Variants in TTLL11 observed in about 807,000 individuals in gnomAD.
TTLL11 encodes tubulin tyrosine ligase like 11, also known as tubulin polyglutamylase TTLL11.
A neutral mutation model predicts 51.7 loss-of-function variants in TTLL11; 42 were observed. The ratio of observed to expected loss-of-function variants is 0.81; its 90% CI spans 0.64 to 1.05. The LOEUF (loss-of-function observed/expected upper bound fraction) is 1.05. Ranked by LOEUF, TTLL11 falls within the 50% of genes least tolerant of loss-of-function variation. The probability of loss-of-function intolerance (pLI) is 0.00; values close to 1 mark genes in which losing one functional copy is unlikely to be tolerated. For synonymous variants in TTLL11, 381 were observed against 383.5 expected (o/e 0.99, Z 0.08); for missense variants, 799 against 940.4 (o/e 0.85, Z 1.97).
In TTLL11 at chr9:121,923,932, A is replaced by G. The variant is rs543275323; in HGVS notation, c.1481+50077T>C. ...TTCCCGTATGTTATGGGAGGGACCC[A>G]GTGGGAGATAATTGAATCATGGCTG... On this transcript the variant is annotated intron_variant, in intron 6 of 8. Coordinates refer to ENST00000321582, the MANE Select transcript of TTLL11 (RefSeq NM_001139442.2). Among the ~76,000 whole-genome samples, 5 of 152,298 alleles carry G rather than the reference A, an allele frequency of 3.3e-5. No individual in the cohort carries two copies. In the East Asian group the frequency reaches 9.6e-4, roughly 29 times the overall value.
chr9:121,936,522 C>G (rs894714615), intron 6 of TTLL11, among the ~76,000 whole-genome samples: 1 of 152,130 alleles, frequency 6.6e-6, no homozygotes, highest in African/African-American at 2.4e-5. Context: ...AATCCTGTTT[C>G]TAAAGCCCCC....
intron 6 of TTLL11, among the ~76,000 whole-genome samples, chr9:121,952,444 C>CAAAAAAA (rs67882979): frequency 2.5e-5 from 3 of 121,942 alleles, no homozygotes; most frequent in Non-Finnish European, 1.7e-5. Flanking sequence ...GACTCCGCCT[C>CAAAAAAA]AAAAAAAAAA....
intron 8 of TTLL11, among the ~76,000 whole-genome samples, chr9:121,839,822 C>T (rs192529433): frequency 1.3e-5 from 2 of 152,134 alleles, no homozygotes; most frequent in African/African-American, 2.4e-5. Flanking sequence ...CAGGGCAGAG[C>T]AGTGCCCACT....
chr9:121,985,218 A>C (rs1462426662), intron 4 of TTLL11, among the ~76,000 whole-genome samples: 2 of 152,204 alleles, frequency 1.3e-5, no homozygotes, highest in Non-Finnish European at 1.5e-5. Context: ...TGTGGCAAAG[A>C]AGTCATGTGT....
At chr9:122,041,471 T>C (rs150016783) in intron 1 of TTLL11, among the ~76,000 whole-genome samples, 38 of 152,240 alleles carry the variant, frequency 2.5e-4, no homozygotes, top group African/African-American at 8.9e-4. Flanking sequence ...CATTAGAAAA[T>C]AAGAAGCAAA....
intron 3 of TTLL11, among the ~76,000 whole-genome samples, chr9:122,003,264 G>A (rs181806682): frequency 1.9e-4 from 29 of 152,256 alleles, no homozygotes; most frequent in Non-Finnish European, 3.8e-4. Flanking sequence ...GTCAGGGAAT[G>A]CTTTTAAAAT....
chr9:121,859,008 TGC>T (rs888353705), intron 8 of TTLL11, among the ~76,000 whole-genome samples: 19 of 152,288 alleles, frequency 1.2e-4, no homozygotes, highest in African/African-American at 4.6e-4. Flanking sequence ...GCCAGGGTGC[TGC>T]GGGCTCACAG....
chr9:121,879,893 A>G (rs1838715937), intron 6 of TTLL11, among the ~76,000 whole-genome samples: 1 of 152,090 alleles, frequency 6.6e-6, no homozygotes. Flanking sequence ...TGAACCCGGG[A>G]AACAAGTCTG....
intron 6 of TTLL11, among the ~76,000 whole-genome samples, chr9:121,949,661 G>T (rs1841790061): frequency 6.6e-6 from 1 of 151,946 alleles, no homozygotes; most frequent in Non-Finnish European, 1.5e-5. Flanking sequence ...TCTACCATCT[G>T]CGTCACCCGG....
chr9:122,002,636 T>C (rs139951245), intron 3 of TTLL11, among the ~76,000 whole-genome samples: 7 of 152,194 alleles, frequency 4.6e-5, no homozygotes, highest in Admixed American at 6.5e-5. Flanking sequence ...CCAGATTCCC[T>C]GGAGGCTCAG....
Position 122,092,879 on chromosome 9 carries a change from C to A in TTLL11, c.270G>T (p.Pro90=). The A allele has an allele frequency of 6.4e-7, 1 of 1,569,898 alleles. No homozygotes were observed. Among genetic ancestry groups the A allele is most frequent in the South Asian group, 1.2e-5 (1 of 86,236 alleles). ...GGCCCTGCACCGGCTTCGGCTTGGA[C>A]GGGGGCAGCGTGGGCGGCGGCCGCT... ...VLQRPPPTLP[P]SKPKPVQGLC... The change falls in exon 1 of 9, where the codon CCG becomes CCT. Residue 90 remains proline (P), a synonymous_variant. Transcript: ENST00000321582.
rs562519461 is a variant in TTLL11, at chr9:121,974,720, T to C, written c.1365+164A>G. Among the ~76,000 whole-genome samples the C allele has an allele frequency of 9.6e-4, 146 of 152,322 alleles. No individual in the cohort carries two copies. The Middle Eastern group carries it at 0.01, about 11-fold the overall frequency. ...ACAGGTCAGATAGGCTTTGTATTAA[T>C]AGTCTATGTTGAGAACTCAACAAAA... On this transcript the variant is annotated intron_variant, in intron 5 of 8. Coordinates refer to ENST00000321582, the MANE Select transcript of TTLL11 (RefSeq NM_001139442.2).
chr9:122,039,228 T>G (rs1445621467), intron 2 of TTLL11, 44 bp downstream of exon 2: 1 of 1,508,362 alleles, frequency 6.6e-7, no homozygotes, highest in African/African-American at 1.4e-5. Context: ...ATCTGAGACT[T>G]GGCCCTAGAA....
chr9:121,974,809 G>A (rs1295926115), intron 5 of TTLL11, 75 bp downstream of exon 5: 3 of 1,148,480 alleles, frequency 2.6e-6, no homozygotes, highest in Non-Finnish European at 3.7e-6. Context: ...ATCTTGTTTT[G>A]TTAAGTGAGC....
In TTLL11 at chr9:122,056,946, A is replaced by G. The variant is rs925116627; in HGVS notation, c.463-17578T>C. On this transcript the variant is annotated intron_variant, in intron 1 of 8. Coordinates refer to ENST00000321582, the MANE Select transcript of TTLL11 (RefSeq NM_001139442.2). The stretch of plus-strand genomic sequence containing the variant: ...ACTGGAAATTCAGGAATGGGAGTAG[A>G]GAGAAGCCAAGGCAAGAAGGGCATG... Among the ~76,000 whole-genome samples, 23 of 152,328 alleles carry G rather than the reference A, an allele frequency of 1.5e-4. No homozygotes were observed. In the East Asian group the frequency reaches 2.1e-3, roughly 14 times the overall value.
intron 3 of TTLL11, among the ~76,000 whole-genome samples, chr9:121,994,302 T>C (rs1843194326): frequency 6.6e-6 from 1 of 151,894 alleles, no homozygotes; most frequent in Non-Finnish European, 1.5e-5. Context: ...CTGGAGAACA[T>C]AAGAGGTGGA....
rs547562087 is a variant in TTLL11 at position 122,063,196 on chromosome 9, A to G, written c.463-23828T>C. ...TGTCTTTTTGAAAGCCATTTTACAT[A>G]CTTTTGGGGAACAAAATAGGCATAA... On this transcript the variant is annotated intron_variant, in intron 1 of 8. Coordinates refer to ENST00000321582, the MANE Select transcript of TTLL11 (RefSeq NM_001139442.2). Among the ~76,000 whole-genome samples the G allele has an allele frequency of 2.0e-5, 3 of 152,340 alleles. No homozygotes were observed. In the East Asian group the frequency reaches 5.8e-4, roughly 29 times the overall value.
intron 3 of TTLL11, among the ~76,000 whole-genome samples, chr9:122,021,379 T>G (rs1004755225): frequency 6.6e-6 from 1 of 152,164 alleles, no homozygotes; most frequent in Admixed American, 6.5e-5. Context: ...TACAGAGAAC[T>G]CTGGAGCGTC....
intron 1 of TTLL11, among the ~76,000 whole-genome samples, chr9:122,063,709 A>G (rs1408634616): frequency 1.3e-5 from 2 of 152,214 alleles, no homozygotes; most frequent in Non-Finnish European, 1.5e-5. Context: ...CTGTTGCTCC[A>G]ATTCTTTCTC....
Sources: allele counts gnomAD v4.1 joint callset (sites outside exome capture counted in the v4.1 genomes callset), GRCh38; gene constraint gnomAD v4.1.1; transcripts MANE v1.5; gene names NCBI Gene and HGNC (gene_info 2026-07-23, HGNC 2026-07-21).